The following RCC1L variants were observed in gnomAD, a reference collection of about 807,000 sequenced individuals.
The protein encoded by RCC1L is RCC1 like, also known as RCC1-like G exchanging factor-like protein.
RCC1L carries 46 observed loss-of-function variants against 58.6 expected under a neutral mutation model. That is an observed-to-expected ratio of 0.79 (90% CI 0.62 to 1.00). RCC1L has a LOEUF of 1.00. Ranked by LOEUF, RCC1L falls within the 50% of genes least tolerant of loss-of-function variation. The pLI, the probability that RCC1L is intolerant of heterozygous loss-of-function variation, is 0.00. For synonymous variants in RCC1L, 281 were observed against 262.9 expected, an observed-to-expected ratio of 1.07 and a Z score of -0.67; for missense variants, 636 against 623.6, an observed-to-expected ratio of 1.02 and a Z score of -0.21.
chr7:75,058,195 C>T (rs1374907968), intron 7 of RCC1L: 5 of 239,528 alleles, frequency 2.1e-5, no homozygotes, highest in Non-Finnish European at 4.0e-5. Context: ...CCTTGGCCTC[C>T]CAAAGCGCTG....
At chr7:75,041,572 A>C (rs954735021), downstream of RCC1L, among the ~76,000 whole-genome samples, 2 of 151,968 alleles carry the variant, frequency 1.3e-5, no homozygotes, top group Admixed American at 6.6e-5. Flanking sequence ...ATATTTGTCA[A>C]GTATGGCTGG....
chr7:75,050,235 T>A (rs2131984843), intron 10 of RCC1L, among the ~76,000 whole-genome samples: 1 of 152,180 alleles, frequency 6.6e-6, no homozygotes, highest in Admixed American at 6.5e-5. Flanking sequence ...TGAGCTGAGA[T>A]CATGCCACTG....
chr7:75,042,501 A>G lies in RCC1L; in HGVS notation c.*531T>C. ...GCCACGGTGCTTCTAGTGTCCCCCC[A>G]GCGAGCTTGCGGTGTGGCAGGCGGC... is the stretch of plus-strand genomic sequence containing the variant. On this transcript the variant is annotated 3_prime_UTR_variant, in exon 11 of 11. Transcript: ENST00000610322. 1.0e-6 allele frequency: 1 copy of G among 990,750 alleles called. No individual in the cohort carries two copies. The highest frequency in any genetic ancestry group is 1.2e-6 in the Non-Finnish European group (1 of 832,836). The allele number at this position is 990,750 out of a possible 1,614,324, so 61.4% of individuals were successfully genotyped here.
chr7:75,052,673 T>C, intron 10 of RCC1L, 38 bp downstream of exon 10: 1 of 1,577,588 alleles, frequency 6.3e-7, no homozygotes. Context: ...GACTCTACTC[T>C]TAGCATCCAT....
chr7:75,057,708 A>G lies in RCC1L; in HGVS notation c.970-92T>C. ...CTTAGGTACAGAGTAGCTGAGTCCTAGTTCATTCATTCACTCCACAGATAC... is the reference window on the plus strand; with the variant it reads ...CTTAGGTACAGAGTAGCTGAGTCCTGGTTCATTCATTCACTCCACAGATAC... On this transcript the variant is annotated intron_variant, in intron 7 of 10. Coordinates refer to ENST00000610322, the MANE Select transcript of RCC1L (RefSeq NM_030798.5). 6.3e-6 allele frequency: 7 copies of G among 1,112,140 alleles called. No homozygotes were observed. In the South Asian group the frequency reaches 6.3e-5, roughly 10 times the overall value. 68.9% of individuals were successfully genotyped at this position (1,112,140 alleles called of 1,614,324 possible).
chr7:75,040,121 G>A (rs1049824517), downstream of RCC1L, among the ~76,000 whole-genome samples: 62 of 152,220 alleles, frequency 4.1e-4, no homozygotes, highest in Non-Finnish European at 6.9e-4. Context: ...AAGACAAACC[G>A]AAGGACGTCC....
At chr7:75,063,442 C>G (rs1366769430) in intron 4 of RCC1L, 99 bp from the exon 5 acceptor site, 131 of 1,217,810 alleles carry the variant, frequency 1.1e-4, no homozygotes, top group Non-Finnish European at 1.5e-4. Context: ...CCGTCCCCTC[C>G]GCTCACACAG....
rs1805953890 is a variant in RCC1L, at chr7:75,052,774, CCATA to C, written c.1250_1253del (p.Val417GlyfsTer23). The C allele has an allele frequency of 1.2e-5, 20 of 1,613,268 alleles. No individual in the cohort carries two copies. The highest frequency in any genetic ancestry group is 1.7e-5 in the Non-Finnish European group (20 of 1,179,722). ...CCAGGCACCCTCGGATGTTCTTGCC[CCATA>C]CAAACAGCTCTCCTTTGTCTGCAAA... is the stretch of plus-strand genomic sequence containing the variant. On this transcript the variant is annotated frameshift_variant, in exon 10 of 11. Transcript: ENST00000610322. LOFTEE classifies it high-confidence loss of function.
chr7:75,036,116 C>CTTTT (rs33924314), intron 10 of RCC1L, among the ~76,000 whole-genome samples: 14 of 125,092 alleles, frequency 1.1e-4, no homozygotes, highest in South Asian at 2.6e-4. Flanking sequence ...CAAAGTCACT[C>CTTTT]TTTTTTTTTT....
intron 2 of RCC1L, among the ~76,000 whole-genome samples, chr7:75,067,019 T>C (rs1554445255): frequency 1.3e-5 from 2 of 152,180 alleles, no homozygotes. Context: ...CTTGGTCTTC[T>C]GGCTGGGCGC....
chr7:75,060,976 T>C (rs2131999322), intron 6 of RCC1L, among the ~76,000 whole-genome samples: 1 of 152,174 alleles, frequency 6.6e-6, no homozygotes, highest in South Asian at 2.1e-4. Flanking sequence ...CTGGAGACTG[T>C]GGTGGGAGGA....
chr7:75,071,596 C>T (rs587774768), intron 1 of RCC1L, among the ~76,000 whole-genome samples: 67 of 152,196 alleles, frequency 4.4e-4, no homozygotes, highest in Non-Finnish European at 6.3e-4. Context: ...GCCAAGATGG[C>T]GCCACTGCAT....
intron 10 of RCC1L, 120 bp downstream of exon 10, chr7:75,052,591 G>C: frequency 2.2e-6 from 2 of 919,404 alleles, no homozygotes; most frequent in Non-Finnish European, 3.4e-6. Context: ...GCCAGGACCC[G>C]GAAGGGGGAG....
chr7:75,043,452 C>G (rs1387950718), intron 10 of RCC1L, among the ~76,000 whole-genome samples: 4 of 152,208 alleles, frequency 2.6e-5, no homozygotes. Flanking sequence ...TGTGTGCATC[C>G]CTGGAACCTG....
At position 75,042,613 on chromosome 7, in the gene RCC1L, G is replaced by C; in HGVS notation, c.*419C>G. 9.8e-7 allele frequency: 1 copy of C among 1,020,496 alleles called. No homozygotes were observed. The highest frequency in any genetic ancestry group is 1.2e-6 in the Non-Finnish European group (1 of 850,774). The allele number at this position is 1,020,496 out of a possible 1,614,324, so 63.2% of individuals were successfully genotyped here. A position where few individuals can be genotyped will look rare whatever the true frequency, so the allele number is the denominator to read the frequency against. On this transcript the variant is annotated 3_prime_UTR_variant, in exon 11 of 11. Transcript: ENST00000610322. ...CCTCGCCTAAGCTGGGGCTCGGTCCGAGGCACACGCATGGCCTTGGCCAGA... is the reference window on the plus strand; with the variant it reads ...CCTCGCCTAAGCTGGGGCTCGGTCCCAGGCACACGCATGGCCTTGGCCAGA...
intron 10 of RCC1L, among the ~76,000 whole-genome samples, chr7:75,035,686 T>C (rs1196565664): frequency 6.6e-6 from 1 of 151,328 alleles, no homozygotes; most frequent in Admixed American, 6.6e-5. Context: ...TGAATAAATA[T>C]GCAAAATGTT....
At chr7:75,061,928 C>G (rs1806289234) in intron 5 of RCC1L, among the ~76,000 whole-genome samples, 1 of 152,340 alleles carries the variant, frequency 6.6e-6, no homozygotes, top group South Asian at 2.1e-4. Flanking sequence ...TGACTCACTC[C>G]TGTAATCCCA....
chr7:75,067,976 A>ACT (rs1255340887), intron 2 of RCC1L, among the ~76,000 whole-genome samples: 1 of 152,058 alleles, frequency 6.6e-6, no homozygotes, highest in Non-Finnish European at 1.5e-5. Context: ...ACATCATACT[A>ACT]CTCTGCACAC....
At chr7:75,062,952 C>T (rs1317708463) in intron 5 of RCC1L, among the ~76,000 whole-genome samples, 3 of 152,134 alleles carry the variant, frequency 2.0e-5, no homozygotes, top group Admixed American at 6.6e-5. Context: ...GCATGTGCCA[C>T]CACACCCGGC....
Sources: allele counts gnomAD v4.1 joint callset (sites outside exome capture counted in the v4.1 genomes callset), GRCh38; gene constraint gnomAD v4.1.1; transcripts MANE v1.5; gene names NCBI Gene and HGNC (gene_info 2026-07-23, HGNC 2026-07-21).